The following RCAN1 variants were observed in gnomAD, a reference collection of about 807,000 sequenced individuals.
RCAN1 encodes regulator of calcineurin 1.
In RCAN1, 11 loss-of-function variants were observed where a neutral mutation model predicts 22.9. The observed-to-expected ratio is 0.48, with a 90% CI of 0.30 to 0.79. RCAN1 has a LOEUF of 0.79. RCAN1 is among the 30% of genes least tolerant of loss of function. RCAN1 has a pLI of 0.06. For missense variants in RCAN1, 291 were observed against 337.8 expected (o/e 0.86, Z 1.09); for synonymous variants, 136 against 142.3 (o/e 0.96, Z 0.32).
At chr21:34,600,986 T>G (rs1988319056) in intron 1 of RCAN1, among the ~76,000 whole-genome samples, 1 of 152,188 alleles carries the variant, frequency 6.6e-6, no homozygotes, top group East Asian at 1.9e-4. Context: ...CACTGCAAAA[T>G]TTTTAAGCTG....
rs116401655 is a variant in RCAN1, at chr21:34,605,358, G to T, written c.252+9402C>A. On this transcript the variant is annotated intron_variant, in intron 1 of 3. Coordinates refer to ENST00000313806, the MANE Select transcript of RCAN1 (RefSeq NM_004414.7). The stretch of plus-strand genomic sequence containing the variant: ...CTCAGCTTGTAGACAGCCTATTGTC[G>T]GACCTCACCTTGGGATTGTGTGCGT... Among the ~76,000 whole-genome samples, 4 of 152,224 alleles carry T rather than the reference G, an allele frequency of 2.6e-5. No individual in the cohort carries two copies. In the East Asian group the frequency reaches 7.7e-4, roughly 29 times the overall value.
intron 1 of RCAN1, among the ~76,000 whole-genome samples, chr21:34,530,915 A>G (rs1257876818): frequency 1.3e-5 from 2 of 152,174 alleles, no homozygotes; most frequent in Non-Finnish European, 2.9e-5. Context: ...GTTACTTCAC[A>G]TGTGTAACCA....
At chr21:34,567,912 A>G (rs144333023) in intron 1 of RCAN1, among the ~76,000 whole-genome samples, 1 of 152,360 alleles carries the variant, frequency 6.6e-6, no homozygotes, top group African/African-American at 2.4e-5. Flanking sequence ...AGTGAAATAG[A>G]TATTTCCCTA....
At chr21:34,547,556 C>A (rs1986197842) in intron 1 of RCAN1, among the ~76,000 whole-genome samples, 1 of 152,188 alleles carries the variant, frequency 6.6e-6, no homozygotes, top group Non-Finnish European at 1.5e-5. Context: ...ATGTGTCCCC[C>A]AAAAGTTTAT....
intron 1 of RCAN1, among the ~76,000 whole-genome samples, chr21:34,569,116 ACAATT>A: frequency 6.6e-6 from 1 of 152,358 alleles, no homozygotes; most frequent in East Asian, 1.9e-4. Flanking sequence ...TTATGGGAGT[ACAATT>A]CAATAGGAGA....
At chr21:34,595,285 T>A (rs896829177) in intron 1 of RCAN1, among the ~76,000 whole-genome samples, 1 of 152,150 alleles carries the variant, frequency 6.6e-6, no homozygotes, top group South Asian at 2.1e-4. Flanking sequence ...CCTCTTCCCA[T>A]CTGGGGGTGT....
intron 1 of RCAN1, among the ~76,000 whole-genome samples, chr21:34,543,842 T>C (rs1448632788): frequency 6.6e-6 from 1 of 152,136 alleles, no homozygotes; most frequent in African/African-American, 2.4e-5. Flanking sequence ...TTGCTGGGGG[T>C]CCTCAGTCAA....
chr21:34,579,957 C>G (rs559168126), intron 1 of RCAN1, among the ~76,000 whole-genome samples: 3 of 152,244 alleles, frequency 2.0e-5, no homozygotes, highest in Non-Finnish European at 2.9e-5. Flanking sequence ...CACTGCTAAC[C>G]TATCTCCTAG....
At chr21:34,575,015 G>A (rs1170233207) in intron 1 of RCAN1, among the ~76,000 whole-genome samples, 2 of 152,118 alleles carry the variant, frequency 1.3e-5, no homozygotes, top group African/African-American at 4.8e-5. Flanking sequence ...GAACTGCACG[G>A]GCAGATGGGA....
intron 1 of RCAN1, 24 bp from the exon 2 acceptor site, chr21:34,523,734 A>G (rs6517239): frequency 0.17 from 268,394 of 1,599,746 alleles, 23,404 homozygotes; most frequent in South Asian, 0.23. Flanking sequence ...ATAAAAATAA[A>G]AGGAGTTGAA....
intron 1 of RCAN1, among the ~76,000 whole-genome samples, chr21:34,540,856 G>A (rs60375022): frequency 0.24 from 36,221 of 151,788 alleles, 4,993 homozygotes; most frequent in African/African-American, 0.38. Context: ...GGGGTGGCGG[G>A]TGCCTGTAAT....
At chr21:34,551,792 A>G (rs1019951820) in intron 1 of RCAN1, among the ~76,000 whole-genome samples, 2 of 131,464 alleles carry the variant, frequency 1.5e-5, no homozygotes, top group Non-Finnish European at 1.7e-5. Flanking sequence ...TGGGCTGTGT[A>G]AAAAAAAAAT....
intron 1 of RCAN1, among the ~76,000 whole-genome samples, chr21:34,608,581 C>T (rs1306542951): frequency 6.6e-6 from 1 of 152,210 alleles, no homozygotes; most frequent in African/African-American, 2.4e-5. Flanking sequence ...GATGAAACCA[C>T]AGCTGATATT....
chr21:34,566,100 A>G (rs1012794666), intron 1 of RCAN1, among the ~76,000 whole-genome samples: 2 of 152,206 alleles, frequency 1.3e-5, no homozygotes, highest in African/African-American at 4.8e-5. Flanking sequence ...GAGCTGCATA[A>G]AGATGAAATG....
intron 1 of RCAN1, among the ~76,000 whole-genome samples, chr21:34,544,201 T>C (rs1386498303): frequency 6.6e-6 from 1 of 152,240 alleles, no homozygotes; most frequent in Admixed American, 6.5e-5. Context: ...CCCGGGACTC[T>C]GTGATGGATT....
At chr21:34,607,381 G>A (rs1988560039) in intron 1 of RCAN1, among the ~76,000 whole-genome samples, 1 of 151,598 alleles carries the variant, frequency 6.6e-6, no homozygotes, top group African/African-American at 2.4e-5. Context: ...TCAGGGATCC[G>A]TTTGGATTTG....
At chr21:34,541,585 G>A (rs1230283978) in intron 1 of RCAN1, among the ~76,000 whole-genome samples, 3 of 152,136 alleles carry the variant, frequency 2.0e-5, no homozygotes, top group Admixed American at 6.5e-5. Context: ...ATCTATTAAC[G>A]GATGTCCTGG....
At chr21:34,608,065 G>T (rs1988584811) in intron 1 of RCAN1, among the ~76,000 whole-genome samples, 2 of 152,150 alleles carry the variant, frequency 1.3e-5, no homozygotes, top group African/African-American at 4.8e-5. Flanking sequence ...CCCCAGATGG[G>T]ACCATCTAAT....
chr21:34,535,407 T>TA (rs1985623318), intron 1 of RCAN1, among the ~76,000 whole-genome samples: 1 of 151,984 alleles, frequency 6.6e-6, no homozygotes, highest in South Asian at 2.1e-4. Flanking sequence ...TAACCTTTTT[T>TA]TTTTTTGATG....
Sources: gnomAD v4.1 joint callset for allele counts (sites outside exome capture counted in the v4.1 genomes callset) on GRCh38, gnomAD v4.1.1 for gene constraint, MANE v1.5 for transcripts, NCBI Gene and HGNC (gene_info 2026-07-23, HGNC 2026-07-21) for gene names.